PSMC6: variants seen among roughly 807,000 people sequenced by gnomAD.
PSMC6 encodes 26S proteasome regulatory subunit 10B.
PSMC6 carries 3 observed loss-of-function variants against 55.9 expected under a neutral mutation model. The ratio of observed to expected loss-of-function variants is 0.05; its 90% CI spans 0.02 to 0.14. The LOEUF is 0.14. Among genes scored for constraint, PSMC6 ranks in the 10% least tolerant of loss-of-function variants. PSMC6 has a pLI of 1.00. For synonymous variants in PSMC6, 137 were observed against 155.9 expected (o/e 0.88, Z 0.90); for missense variants, 210 against 478.7 (o/e 0.44, Z 5.24).
At position 52,718,583 on chromosome 14, in the gene PSMC6, T is replaced by C. The variant is rs1294371355; in HGVS notation, c.715+231T>C. The C allele has an allele frequency of 1.1e-5, 5 of 451,548 alleles. No individual in the cohort carries two copies. The East Asian group carries it at 1.8e-4, about 16-fold the overall frequency. 28.0% of individuals were successfully genotyped at this position (451,548 alleles called of 1,614,324 possible). A position where few individuals can be genotyped will look rare whatever the true frequency, so the allele number is the denominator to read the frequency against. On this transcript the variant is annotated intron_variant, in intron 9 of 13. Transcript: ENST00000445930. ...GTGGGCAGATCACCAGGTCAGGAGA[T>C]CGAGACCATCTGGCCAACATGGTGA...
intron 10 of PSMC6, among the ~76,000 whole-genome samples, chr14:52,719,710 T>G (rs1451128128): frequency 1.3e-5 from 2 of 152,230 alleles, no homozygotes; most frequent in Non-Finnish European, 2.9e-5. Flanking sequence ...ATTTGGAAAT[T>G]ATAAAATCTC....
chr14:52,711,599 C>A, intron 6 of PSMC6, 75 bp downstream of exon 6: 3 of 1,016,078 alleles, frequency 3.0e-6, no homozygotes, highest in Admixed American at 2.6e-5. Flanking sequence ...ACAGGAGAAA[C>A]AGGATGAAAA....
intron 7 of PSMC6, among the ~76,000 whole-genome samples, chr14:52,715,202 C>T (rs1048866500): frequency 2.0e-5 from 3 of 151,224 alleles, no homozygotes; most frequent in African/African-American, 4.9e-5. Context: ...TTTGTTAAAT[C>T]TTCATCTTTG....
At chr14:52,723,937 A>C in intron 12 of PSMC6, 28 bp from the exon 13 acceptor site, 2 of 1,607,362 alleles carry the variant, frequency 1.2e-6, no homozygotes, top group Non-Finnish European at 1.7e-6. Context: ...AATTTTTAAA[A>C]CTAATTTCCA....
rs557498251 is a variant in PSMC6 at position 52,715,865 on chromosome 14, C to T, written c.529+1897C>T. Among the ~76,000 whole-genome samples, 5 of 152,256 alleles carry T rather than the reference C, an allele frequency of 3.3e-5. No homozygotes were observed. In the East Asian group the frequency reaches 9.7e-4, roughly 29 times the overall value. Reference sequence around the variant, plus strand: ...TTCCTGGGCTCAAGCAACCCGCCCACCTCAGCCTCCCAAAGTGCTGGGATT... The same window carrying T: ...TTCCTGGGCTCAAGCAACCCGCCCATCTCAGCCTCCCAAAGTGCTGGGATT... On this transcript the variant is annotated intron_variant, in intron 7 of 13. Transcript: ENST00000445930.
chr14:52,708,684 A>G, intron 3 of PSMC6, 80 bp from the exon 4 acceptor site: 2 of 1,590,290 alleles, frequency 1.3e-6, no homozygotes, highest in Non-Finnish European at 1.7e-6. Context: ...ACAGAAATAC[A>G]ACTAAACCCT....
chr14:52,714,341 T>C (rs1325317714), intron 7 of PSMC6, among the ~76,000 whole-genome samples: 1 of 152,172 alleles, frequency 6.6e-6, no homozygotes, highest in Non-Finnish European at 1.5e-5. Context: ...CGCCTGGCCA[T>C]AAGGTGGAAA....
rs1263991479 is a variant in PSMC6 at position 52,712,223 on chromosome 14, T to C, written c.441+699T>C. Among the ~76,000 whole-genome samples, 8 of 152,328 alleles carry C rather than the reference T, an allele frequency of 5.3e-5. No individual in the cohort carries two copies. In the East Asian group the frequency reaches 1.5e-3, roughly 29 times the overall value. ...CTCATACTTCAGTACATTAATTTTTTTTGGAACACTTATTAAAAATACACA... is the reference window on the plus strand; with the variant it reads ...CTCATACTTCAGTACATTAATTTTTCTTGGAACACTTATTAAAAATACACA... On this transcript the variant is annotated intron_variant, in intron 6 of 13. Transcript: ENST00000445930.
intron 6 of PSMC6, among the ~76,000 whole-genome samples, chr14:52,712,931 C>A (rs1383169404): frequency 3.3e-5 from 5 of 152,046 alleles, no homozygotes; most frequent in Non-Finnish European, 7.4e-5. Context: ...CACAACTATT[C>A]AATAGAAATT....
intron 6 of PSMC6, 89 bp downstream of exon 6, chr14:52,711,613 AC>A (rs1292379606): frequency 8.7e-6 from 7 of 802,966 alleles, no homozygotes; most frequent in Non-Finnish European, 1.3e-5. Flanking sequence ...ATGAAAAAGT[AC>A]TTTTTGTCTA....
Position 52,718,085 on chromosome 14 carries a change from G to A in PSMC6, c.534G>A (p.Thr178=), listed in dbSNP as rs373990232. The A allele has an allele frequency of 2.7e-5, 44 of 1,612,642 alleles. No homozygotes were observed. The highest frequency in any genetic ancestry group is 9.4e-5 in the African/African-American group (7 of 74,862). The change falls in exon 8 of 14, where the codon ACG becomes ACA. Residue 178 remains threonine, a synonymous_variant. Coordinates refer to ENST00000445930, the MANE Select transcript of PSMC6 (RefSeq NM_002806.5). ...GACTTCTTTTGTCATTCTTAGGTAC[G>A]GGAAAAACACTCTTGGCACGAGCCG... ...KGCLLYGPPG[T]GKTLLARAVA... is the part of the protein sequence containing the mutation.
rs575644470 is a variant in PSMC6, at chr14:52,720,316, G to T, written c.778-545G>T. Among the ~76,000 whole-genome samples, 4 of 117,290 alleles carry T rather than the reference G, an allele frequency of 3.4e-5. 1 individual carries two copies. Among genetic ancestry groups the T allele is most frequent in the African/African-American group, 1.3e-4 (4 of 30,544 alleles). The allele number at this position is 117,290 out of a possible 152,430, so 76.9% of individuals were successfully genotyped here. ...CCAGGAGGTGAAGGTTGCAGTGAGCGATGATCAGGCCACAGTACTCCAGCC... is the reference window on the plus strand; with the variant it reads ...CCAGGAGGTGAAGGTTGCAGTGAGCTATGATCAGGCCACAGTACTCCAGCC... On this transcript the variant is annotated intron_variant, in intron 10 of 13. Coordinates refer to ENST00000445930, the MANE Select transcript of PSMC6 (RefSeq NM_002806.5).
At chr14:52,714,707 A>C (rs1455280099) in intron 7 of PSMC6, among the ~76,000 whole-genome samples, 2 of 151,942 alleles carry the variant, frequency 1.3e-5, no homozygotes, top group Non-Finnish European at 2.9e-5. Flanking sequence ...CTCTACTAAA[A>C]ATACAAAAAT....
At chr14:52,719,190 C>A in intron 10 of PSMC6, 152 bp downstream of exon 10, 1 of 797,114 alleles carries the variant, frequency 1.3e-6, no homozygotes, top group Non-Finnish European at 1.9e-6. Context: ...TTCTCTATCA[C>A]AAACTCTAAG....
In PSMC6 at chr14:52,728,047, A is replaced by G. The variant is rs943005946; in HGVS notation, c.*430A>G. 3.2e-5 allele frequency: 5 copies of G among 156,118 alleles called. No individual in the cohort carries two copies. The highest frequency in any genetic ancestry group is 1.2e-4 in the African/African-American group (5 of 41,482). The allele number at this position is 156,118 out of a possible 1,614,324, so 9.7% of individuals were successfully genotyped here. A position where few individuals can be genotyped will look rare whatever the true frequency, so the allele number is the denominator to read the frequency against. On this transcript the variant is annotated 3_prime_UTR_variant, in exon 14 of 14. Coordinates refer to ENST00000445930, the MANE Select transcript of PSMC6 (RefSeq NM_002806.5). ...TTTACTGTGGTCCTTTAGGTTCTTT[A>G]GCAAGTAAACTATTTGATAACCCAG...
chr14:52,708,164 C>A, intron 1 of PSMC6, 145 bp from the exon 2 acceptor site: 1 of 666,976 alleles, frequency 1.5e-6, no homozygotes, highest in South Asian at 1.9e-5. Flanking sequence ...TTACAAACAG[C>A]ATTATTTCTT....
chr14:52,713,952 G>C lies in PSMC6; in HGVS notation c.513G>C (p.Leu171Phe). 6.3e-7 allele frequency: 1 copy of C among 1,580,666 alleles called. No individual in the cohort carries two copies. ...RVGIIPPKGC[L>F]LYGPPGTGKT... ...GAATAATACCTCCAAAAGGCTGTTT[G>C]TTATATGGACCACCAGGTTGGTATT... Residue 171 changes from leucine to phenylalanine, a missense_variant, in exon 7 of 14, where the codon TTG becomes TTC. Physicochemically the swap from Leu to Phe is conservative, Grantham distance 22 (BLOSUM62 0). Around this residue, in one of 4 missense-constraint regions of PSMC6, gnomAD observed 101 missense variants for 250.4 expected, o/e 0.40. Coordinates refer to ENST00000445930, the MANE Select transcript of PSMC6 (RefSeq NM_002806.5).
intron 7 of PSMC6, among the ~76,000 whole-genome samples, chr14:52,715,048 AC>A (rs1276146002): frequency 6.6e-6 from 1 of 151,920 alleles, no homozygotes; most frequent in East Asian, 1.9e-4. Flanking sequence ...AATTACTTGC[AC>A]TGTAGTGTGA....
intron 7 of PSMC6, among the ~76,000 whole-genome samples, chr14:52,715,467 T>C (rs1373350614): frequency 3.9e-5 from 6 of 152,212 alleles, no homozygotes; most frequent in Admixed American, 3.9e-4. Context: ...GCACATTTTT[T>C]CCAAAGCGAA....
Sources: allele counts gnomAD v4.1 joint callset (sites outside exome capture counted in the v4.1 genomes callset), GRCh38; gene constraint gnomAD v4.1.1; regional missense constraint gnomAD v4.1.1; transcripts MANE v1.5; gene names NCBI Gene and HGNC (gene_info 2026-07-23, HGNC 2026-07-21).